Variants in ERAP2 observed in about 807,000 individuals in gnomAD.
ERAP2 encodes endoplasmic reticulum aminopeptidase 2, also known as leukocyte-derived arginine aminopeptidase.
A neutral mutation model predicts 111.1 loss-of-function variants in ERAP2; 118 were observed. That is an observed-to-expected ratio of 1.06 (90% CI 0.92 to 1.24). The LOEUF (loss-of-function observed/expected upper bound fraction) is 1.24. Ranked by LOEUF, ERAP2 falls within the 50% of genes most tolerant of loss-of-function variation. ERAP2 has a pLI of 0.00. For missense variants in ERAP2, 1,131 were observed against 1,125.8 expected (o/e 1.00, Z -0.07); for synonymous variants, 410 against 401.2 (o/e 1.02, Z -0.26).
At chr5:96,905,205 G>C (rs1785917655) in intron 13 of ERAP2, among the ~76,000 whole-genome samples, 1 of 152,206 alleles carries the variant, frequency 6.6e-6, no homozygotes, top group South Asian at 2.1e-4. Context: ...ACATAGAAAA[G>C]TACACTTCAA....
chr5:96,911,615 G>A (rs143189349), intron 15 of ERAP2, among the ~76,000 whole-genome samples: 6 of 152,112 alleles, frequency 3.9e-5, no homozygotes, highest in East Asian at 1.9e-4. Context: ...GCCAAGTGCC[G>A]TAGCTCATGC....
rs2548537 is a variant in ERAP2, at chr5:96,896,518, G to C, written c.1371+14G>C. ...TCCTATAACAAGGTAGTAAATATCA[G>C]GTGCAGGTGGAAGCTCTGCTTTCAG... On this transcript the variant is annotated intron_variant, in intron 8 of 18. Coordinates refer to ENST00000437043, the MANE Select transcript of ERAP2 (RefSeq NM_022350.5). 0.52 allele frequency: 833,924 copies of C among 1,607,872 alleles called. 217,858 individuals carry two copies. Among genetic ancestry groups the C allele is most frequent in the Middle Eastern group, 0.61 (3,673 of 6,028 alleles).
chr5:96,892,482 T>C, intron 6 of ERAP2, 29 bp downstream of exon 6: 2 of 1,612,420 alleles, frequency 1.2e-6, no homozygotes, highest in Non-Finnish European at 1.7e-6. Context: ...ATTATCTCGA[T>C]ATCAGTTCAA....
intron 2 of ERAP2, chr5:96,881,248 G>T (rs1783095734): frequency 2.7e-5 from 10 of 370,572 alleles, no homozygotes; most frequent in South Asian, 1.6e-4. Context: ...TAGAGAAGCA[G>T]AGTAATCAAT....
intron 6 of ERAP2, 82 bp from the exon 7 acceptor site, chr5:96,895,164 G>T (rs1245480721): frequency 3.9e-6 from 3 of 770,744 alleles, no homozygotes; most frequent in South Asian, 3.5e-5. Flanking sequence ...TAAAAAAAAA[G>T]TTAGTAACTA....
chr5:96,911,864 C>G (rs1786776703), intron 15 of ERAP2, among the ~76,000 whole-genome samples: 1 of 32,508 alleles, frequency 3.1e-5, no homozygotes. Context: ...AAGACCCTGT[C>G]TCAAAAAAAA....
At chr5:96,886,611 T>G in intron 3 of ERAP2, 44 bp from the exon 4 acceptor site, 1 of 1,446,510 alleles carries the variant, frequency 6.9e-7, no homozygotes, top group Non-Finnish European at 9.3e-7. Flanking sequence ...GGTTATGAAA[T>G]ACTCCAGTTT....
At chr5:96,893,064 T>C (rs1784537799) in intron 6 of ERAP2, among the ~76,000 whole-genome samples, 1 of 152,168 alleles carries the variant, frequency 6.6e-6, no homozygotes, top group Non-Finnish European at 1.5e-5. Context: ...AAGTATTAGT[T>C]ATTAATGATG....
chr5:96,903,650 A>G (rs903762504), intron 13 of ERAP2, 90 bp downstream of exon 13: 2 of 1,193,358 alleles, frequency 1.7e-6, no homozygotes, highest in Non-Finnish European at 2.3e-6. Flanking sequence ...AACATTGGTC[A>G]TTGATTTAAT....
At chr5:96,879,178 T>A (rs1782883918) in intron 1 of ERAP2, among the ~76,000 whole-genome samples, 1 of 152,150 alleles carries the variant, frequency 6.6e-6, no homozygotes, top group South Asian at 2.1e-4. Flanking sequence ...GTGATCATGA[T>A]TGCACACTCT....
rs930642997 is a variant in ERAP2, at chr5:96,889,719, G to A, written c.970+414G>A. Among the ~76,000 whole-genome samples, 9 of 151,954 alleles carry A rather than the reference G, an allele frequency of 5.9e-5. No homozygotes were observed. In the South Asian group the frequency reaches 1.0e-3, roughly 18 times the overall value. Reference sequence around the variant, plus strand: ...GTGGCTCCCTGTGGCGGACATCAACGCTCTCATCCATTATGCTCCTCTTCT... The same window carrying A: ...GTGGCTCCCTGTGGCGGACATCAACACTCTCATCCATTATGCTCCTCTTCT... On this transcript the variant is annotated intron_variant, in intron 5 of 18. Coordinates refer to ENST00000437043, the MANE Select transcript of ERAP2 (RefSeq NM_022350.5).
intron 14 of ERAP2, 81 bp from the exon 15 acceptor site, chr5:96,909,499 G>C: frequency 9.6e-7 from 1 of 1,043,974 alleles, no homozygotes; most frequent in Non-Finnish European, 1.5e-6. Context: ...AGAAAGTTTA[G>C]AGTTGAGCCC....
At position 96,878,328 on chromosome 5, in the gene ERAP2, C is replaced by T. The variant is rs537069883; in HGVS notation, c.-122-1236C>T. ...GATAAATACCTACCTTGACCAGCAA[C>T]CTTTACACCAGTAGCCATAAAATGA... On this transcript the variant is annotated intron_variant, in intron 1 of 18. Transcript: ENST00000437043. Among the ~76,000 whole-genome samples the T allele has an allele frequency of 4.6e-5, 7 of 152,188 alleles. No homozygotes were observed. The South Asian group carries it at 6.2e-4, about 14-fold the overall frequency.
At chr5:96,884,725 CT>C (rs1005881192) in intron 3 of ERAP2, among the ~76,000 whole-genome samples, 11 of 151,530 alleles carry the variant, frequency 7.3e-5, no homozygotes, top group Admixed American at 7.2e-4. Flanking sequence ...ACCTGACTAA[CT>C]TTTTTTGTAT....
chr5:96,903,617 C>A, intron 13 of ERAP2, 57 bp downstream of exon 13: 2 of 1,444,234 alleles, frequency 1.4e-6, no homozygotes, highest in Non-Finnish European at 1.9e-6. Flanking sequence ...ACCAGATATG[C>A]TAGACTTCAA....
At chr5:96,894,036 C>A (rs1784629981) in intron 6 of ERAP2, among the ~76,000 whole-genome samples, 1 of 152,202 alleles carries the variant, frequency 6.6e-6, no homozygotes, top group South Asian at 2.1e-4. Context: ...CTGTCCCTGG[C>A]AAAGACATTG....
At chr5:96,889,483 A>G in intron 5 of ERAP2, 178 bp downstream of exon 5, 3 of 747,104 alleles carry the variant, frequency 4.0e-6, no homozygotes, top group South Asian at 3.1e-5. Flanking sequence ...TATTTATGAC[A>G]TGCCCCAACA....
intron 15 of ERAP2, among the ~76,000 whole-genome samples, chr5:96,911,866 C>CAAAAA (rs386358295): frequency 7.1e-5 from 4 of 56,658 alleles, no homozygotes; most frequent in Admixed American, 2.3e-4. Flanking sequence ...GACCCTGTCT[C>CAAAAA]AAAAAAAAAA....
intron 2 of ERAP2, among the ~76,000 whole-genome samples, chr5:96,881,686 A>G (rs77737710): frequency 0.019 from 2,959 of 152,156 alleles, 88 homozygotes; most frequent in East Asian, 0.11. Context: ...CTGCTCAGCC[A>G]TCCTATGGCT....
Sources: allele counts gnomAD v4.1 joint callset (sites outside exome capture counted in the v4.1 genomes callset), GRCh38; gene constraint gnomAD v4.1.1; transcripts MANE v1.5; gene names NCBI Gene and HGNC (gene_info 2026-07-23, HGNC 2026-07-21).